The following PARVB variants were observed in gnomAD, a reference collection of about 807,000 sequenced individuals.
PARVB encodes beta-parvin.
Under a neutral mutation model 47.0 loss-of-function variants are expected in PARVB, and 46 were observed. The observed-to-expected ratio is 0.98, with a 90% CI of 0.77 to 1.25. The LOEUF (loss-of-function observed/expected upper bound fraction) is 1.25. Ranked by LOEUF, PARVB falls within the 50% of genes most tolerant of loss-of-function variation. PARVB has a pLI of 0.00. For missense variants in PARVB, 473 were observed against 471.6 expected (o/e 1.00, Z -0.03); for synonymous variants, 196 against 196.3 (o/e 1.00, Z 0.01).
chr22:44,144,282 T>C (rs2053616884), intron 8 of PARVB: 1 of 151,362 alleles, frequency 6.6e-6, no homozygotes, highest in Non-Finnish European at 1.5e-5. Context: ...AAGAGGAGAG[T>C]GTCTAGATTA....
At position 44,168,703 on chromosome 22, in the gene PARVB, G is replaced by T; in HGVS notation, c.*25G>T. On this transcript the variant is annotated 3_prime_UTR_variant, in exon 13 of 13. Transcript: ENST00000338758. ...ACGGGGGAGCTGTGGATGGTGGCAG[G>T]AGTGTCCCAGCAAGAAAGGCGGCAT... 1 of 1,513,774 alleles carries T rather than the reference G, an allele frequency of 6.6e-7. No homozygotes were observed. Among genetic ancestry groups the T allele is most frequent in the Non-Finnish European group, 9.2e-7 (1 of 1,088,796 alleles). The allele number at this position is 1,513,774 out of a possible 1,614,324, so 93.8% of individuals were successfully genotyped here. A position where few individuals can be genotyped will look rare whatever the true frequency, so the allele number is the denominator to read the frequency against.
chr22:44,145,521 C>CA (rs1569151582), intron 8 of PARVB: 1 of 152,266 alleles, frequency 6.6e-6, no homozygotes, highest in African/African-American at 2.4e-5. Context: ...TGGCTGGTAA[C>CA]AGAGGGTCCC....
At chr22:44,164,631 A>T (rs1056940622) in intron 12 of PARVB, among the ~76,000 whole-genome samples, 1 of 151,980 alleles carries the variant, frequency 6.6e-6, no homozygotes, top group Non-Finnish European at 1.5e-5. Context: ...CTCCATCAAA[A>T]CCTTTGCCAT....
At position 44,155,527 on chromosome 22, in the gene PARVB, A is replaced by C. The variant is rs2053912117; in HGVS notation, c.844-2455A>C. On this transcript the variant is annotated intron_variant, in intron 10 of 12. Coordinates refer to ENST00000338758, the MANE Select transcript of PARVB (RefSeq NM_013327.5). The surrounding 1 kb of genome is among the most constrained non-coding windows in gnomAD (Gnocchi z 4.8). ...CCACGGAAGGAAGAAAAGACTCAGC[A>C]GGCTCAGGGCCTGCGGGAGCAGCGG... Among the ~76,000 whole-genome samples, 1 of 152,176 alleles carries C rather than the reference A, an allele frequency of 6.6e-6. No individual in the cohort carries two copies. The highest frequency in any genetic ancestry group is 1.5e-5 in the Non-Finnish European group (1 of 68,026).
chr22:44,077,560 C>T (rs755193263), intron 1 of PARVB, among the ~76,000 whole-genome samples: 22 of 152,236 alleles, frequency 1.4e-4, no homozygotes, highest in Non-Finnish European at 2.6e-4. Context: ...TCTTCCAGAC[C>T]GCCAGACAAC....
chr22:44,147,872 T>C lies in PARVB; in HGVS notation c.724T>C (p.Phe242Leu), dbSNP rs2053720583. 1 of 1,613,912 alleles carries C rather than the reference T, an allele frequency of 6.2e-7. No homozygotes were observed. Among genetic ancestry groups the C allele is most frequent in the Non-Finnish European group, 8.5e-7 (1 of 1,179,952 alleles). The change falls in exon 9 of 13, where the codon TTC becomes CTC. Residue 242 changes from phenylalanine to leucine, a missense_variant. By Grantham distance (22) the Phe-to-Leu change is conservative (BLOSUM62 0). Coordinates refer to ENST00000338758, the MANE Select transcript of PARVB (RefSeq NM_013327.5). ...TTGCATGTCCTCAGAGCGGGATGCC[T>C]TCGACACGCTGTTCGACCACGCCCC... is the stretch of plus-strand genomic sequence containing the variant. ...MMMGRFERDA[F>L]DTLFDHAPDK... is the part of the protein sequence containing the mutation.
At chr22:44,122,105 G>T (rs2053061143) in intron 4 of PARVB, among the ~76,000 whole-genome samples, 1 of 152,072 alleles carries the variant, frequency 6.6e-6, no homozygotes, top group Non-Finnish European at 1.5e-5. Flanking sequence ...TAGTTTTTGT[G>T]TATATGTTTA....
chr22:44,037,931 C>T (rs1487691933), intron 1 of PARVB, among the ~76,000 whole-genome samples: 12 of 150,186 alleles, frequency 8.0e-5, no homozygotes, highest in Admixed American at 1.3e-4. Context: ...AGCCACCCAG[C>T]GCCTGTCCAG....
At chr22:44,053,241 G>A (rs1319584557) in intron 1 of PARVB, among the ~76,000 whole-genome samples, 10 of 151,936 alleles carry the variant, frequency 6.6e-5, no homozygotes, top group East Asian at 1.9e-4. Context: ...ACACCACCTC[G>A]CCCAGCTAAT....
chr22:44,026,138 C>T (rs183212629), intron 1 of PARVB, among the ~76,000 whole-genome samples: 10 of 152,276 alleles, frequency 6.6e-5, no homozygotes, highest in Admixed American at 1.3e-4. Flanking sequence ...TTTACGCTCT[C>T]GGAATAGGAA....
At chr22:44,028,943 G>A (rs550335240) in intron 1 of PARVB, among the ~76,000 whole-genome samples, 24 of 152,288 alleles carry the variant, frequency 1.6e-4, no homozygotes, top group African/African-American at 5.8e-4. Context: ...CTTCAGTGAA[G>A]TGTCTATTAA....
chr22:44,029,143 C>G (rs1464768322), intron 1 of PARVB, among the ~76,000 whole-genome samples: 1 of 152,088 alleles, frequency 6.6e-6, no homozygotes, highest in East Asian at 1.9e-4. Flanking sequence ...TACCACCATG[C>G]CCAGCTAATT....
At chr22:44,004,827 G>C (rs1305367712) in intron 2 of PARVB, among the ~76,000 whole-genome samples, 1 of 152,198 alleles carries the variant, frequency 6.6e-6, no homozygotes, top group Non-Finnish European at 1.5e-5. Context: ...CGGTTTGTGA[G>C]CATGCACTGC....
chr22:44,100,525 A>C (rs12159523), intron 3 of PARVB, among the ~76,000 whole-genome samples: 7,972 of 151,932 alleles, frequency 0.052, 600 homozygotes, highest in African/African-American at 0.16. Context: ...CACCCTGGCC[A>C]CTCCTGGCCA....
intron 2 of PARVB, among the ~76,000 whole-genome samples, chr22:44,004,792 TTTGA>T (rs1460306626): frequency 2.0e-5 from 3 of 152,234 alleles, no homozygotes; most frequent in African/African-American, 7.2e-5. Context: ...CTCTCCAGTC[TTTGA>T]TTGTCCTGCA....
At chr22:44,064,234 C>G (rs1245984246) in intron 1 of PARVB, among the ~76,000 whole-genome samples, 1 of 152,238 alleles carries the variant, frequency 6.6e-6, no homozygotes, top group Non-Finnish European at 1.5e-5. Context: ...TGGTTATAGT[C>G]ACGCCGAAAC....
chr22:44,140,095 C>A, intron 7 of PARVB, 29 bp from the exon 8 acceptor site: 1 of 1,613,516 alleles, frequency 6.2e-7, no homozygotes, highest in Non-Finnish European at 8.5e-7. Context: ...TGACCCATCT[C>A]ATGGCTCTCT....
At chr22:44,078,062 A>G (rs1263872497) in intron 1 of PARVB, among the ~76,000 whole-genome samples, 3 of 152,082 alleles carry the variant, frequency 2.0e-5, no homozygotes, top group African/African-American at 4.8e-5. Context: ...ACAGGGGGCC[A>G]TTTGCAGAGC....
At chr22:44,030,925 G>T (rs2050815214) in intron 1 of PARVB, among the ~76,000 whole-genome samples, 1 of 152,242 alleles carries the variant, frequency 6.6e-6, no homozygotes, top group Non-Finnish European at 1.5e-5. Context: ...AACGAAAAGG[G>T]GGAGTGGCTG....
Sources: gnomAD v4.1 joint callset for allele counts (sites outside exome capture counted in the v4.1 genomes callset) on GRCh38, gnomAD v4.1.1 for gene constraint, Gnocchi (gnomAD v3.1) non-coding constraint, MANE v1.5 for transcripts, NCBI Gene and HGNC (gene_info 2026-07-23, HGNC 2026-07-21) for gene names.